SNX25: variants seen among roughly 807,000 people sequenced by gnomAD.
SNX25 encodes sorting nexin 25.
SNX25 carries 62 observed loss-of-function variants against 113.7 expected under a neutral mutation model. The ratio of observed to expected loss-of-function variants is 0.55; its 90% CI spans 0.44 to 0.67. SNX25 has a LOEUF of 0.67. Among genes scored for constraint, SNX25 ranks in the 30% least tolerant of loss-of-function variants. The pLI is 0.00. For synonymous variants in SNX25, 421 were observed against 436.2 expected, an observed-to-expected ratio of 0.97 and a Z score of 0.43; for missense variants, 1,014 against 1,161.0, an observed-to-expected ratio of 0.87 and a Z score of 1.84.
intron 6 of SNX25, among the ~76,000 whole-genome samples, chr4:185,309,425 G>A (rs1417705420): frequency 6.6e-6 from 1 of 152,220 alleles, no homozygotes; most frequent in Non-Finnish European, 1.5e-5. Context: ...AAGAGCATGT[G>A]AGATGGAAGA....
At chr4:185,309,705 A>G (rs921957413) in intron 6 of SNX25, among the ~76,000 whole-genome samples, 2 of 151,894 alleles carry the variant, frequency 1.3e-5, no homozygotes, top group African/African-American at 4.8e-5. Flanking sequence ...GGCCATCACT[A>G]TCTCCCTCCT....
intron 5 of SNX25, among the ~76,000 whole-genome samples, chr4:185,268,116 G>A (rs898563226): frequency 6.6e-6 from 1 of 152,178 alleles, no homozygotes; most frequent in African/African-American, 2.4e-5. Context: ...CTGTAATGAG[G>A]CTATAATAGA....
chr4:185,308,859 C>T (rs1206762802), intron 6 of SNX25, among the ~76,000 whole-genome samples: 2 of 152,162 alleles, frequency 1.3e-5, no homozygotes, highest in African/African-American at 4.8e-5. Flanking sequence ...CTGAATGTTT[C>T]CGAACTCTAG....
chr4:185,265,004 TTC>T (rs1491473179), intron 4 of SNX25, among the ~76,000 whole-genome samples: 72 of 127,292 alleles, frequency 5.7e-4, no homozygotes, highest in Admixed American at 7.4e-4. Context: ...TCTTTTTTTT[TTC>T]TTTAAATAGA....
At chr4:185,326,841 C>A (rs191809135) in intron 9 of SNX25, among the ~76,000 whole-genome samples, 100 of 152,218 alleles carry the variant, frequency 6.6e-4, no homozygotes, top group Non-Finnish European at 1.3e-3. Context: ...CCCTTTTTAA[C>A]CCTTTATAAT....
intron 2 of SNX25, among the ~76,000 whole-genome samples, chr4:185,257,475 G>C (rs1309778166): frequency 1.3e-5 from 2 of 151,894 alleles, no homozygotes; most frequent in African/African-American, 4.8e-5. Context: ...ATTACTGAAA[G>C]AATAAAATAT....
downstream of SNX25, among the ~76,000 whole-genome samples, chr4:185,371,420 T>C (rs1485214378): frequency 7.2e-5 from 11 of 151,782 alleles, no homozygotes; most frequent in South Asian, 1.9e-3. Flanking sequence ...CGGGTGCCTG[T>C]AGTCCCAGCT....
chr4:185,237,150 A>AG (rs72229810), intron 1 of SNX25, among the ~76,000 whole-genome samples: 97,317 of 151,804 alleles, frequency 0.64, 31,413 homozygotes, highest in East Asian at 0.75. Context: ...CTTGACTAAG[A>AG]GGGAAAAAAA....
At chr4:185,215,959 G>A (rs1579313784) in intron 1 of SNX25, among the ~76,000 whole-genome samples, 1 of 152,012 alleles carries the variant, frequency 6.6e-6, no homozygotes, top group East Asian at 1.9e-4. Context: ...ACTACACCCA[G>A]CTAATTTTTG....
At chr4:185,260,414 CT>C (rs56828239) in intron 3 of SNX25, among the ~76,000 whole-genome samples, 4,365 of 152,104 alleles carry the variant, frequency 0.029, 93 homozygotes, top group Middle Eastern at 0.068. Context: ...GTGCACAGGT[CT>C]TCCCAACCAT....
chr4:185,351,839 C>G (rs1325999730), intron 14 of SNX25, among the ~76,000 whole-genome samples: 2 of 151,894 alleles, frequency 1.3e-5, no homozygotes. Context: ...GGAAGTTCTG[C>G]AGGAGCCCCG....
intron 6 of SNX25, among the ~76,000 whole-genome samples, chr4:185,308,022 G>T (rs1221562493): frequency 6.6e-6 from 1 of 152,156 alleles, no homozygotes; most frequent in African/African-American, 2.4e-5. Flanking sequence ...GCCTCCCAAA[G>T]TGCTGGCATT....
chr4:185,357,928 A>G (rs999493744), intron 16 of SNX25, among the ~76,000 whole-genome samples, 191 bp downstream of exon 16: 2 of 152,230 alleles, frequency 1.3e-5, no homozygotes, highest in Non-Finnish European at 2.9e-5. Context: ...CAGAATGCAT[A>G]TGGCAAGTTA....
intron 15 of SNX25, 38 bp from the exon 16 acceptor site, chr4:185,357,633 C>T (rs1344353658): frequency 6.6e-7 from 1 of 1,509,022 alleles, no homozygotes; most frequent in Non-Finnish European, 9.2e-7. Flanking sequence ...AATTGTGATG[C>T]CCTGTGATAA....
At chr4:185,278,821 T>C (rs982055277) in intron 5 of SNX25, among the ~76,000 whole-genome samples, 2 of 152,164 alleles carry the variant, frequency 1.3e-5, no homozygotes, top group African/African-American at 4.8e-5. Context: ...TACGTATGAG[T>C]ATAAATAAAC....
At chr4:185,370,574 T>C, downstream of SNX25, 1 of 1,527,038 alleles carries the variant, frequency 6.5e-7, no homozygotes, top group Middle Eastern at 2.0e-4. Flanking sequence ...GTAAAACTAT[T>C]CAAGTTGCAG....
At chr4:185,290,950 C>T (rs749071897) in intron 6 of SNX25, among the ~76,000 whole-genome samples, 4 of 152,142 alleles carry the variant, frequency 2.6e-5, no homozygotes, top group Non-Finnish European at 5.9e-5. Flanking sequence ...CAGGAATTCT[C>T]ATGGGTTTAC....
intron 1 of SNX25, among the ~76,000 whole-genome samples, chr4:185,212,487 G>GTTTC (rs1215567957): frequency 5.9e-5 from 3 of 50,430 alleles, no homozygotes; most frequent in Admixed American, 4.3e-4. Flanking sequence ...GTGTGTGTGT[G>GTTTC]TGTGTTTTTT....
At chr4:185,335,410 G>A (rs2095223633) in intron 10 of SNX25, among the ~76,000 whole-genome samples, 1 of 151,318 alleles carries the variant, frequency 6.6e-6, no homozygotes, top group African/African-American at 2.4e-5. Flanking sequence ...TGACAATCTA[G>A]CAATTAACAT....
Sources: gnomAD v4.1 joint callset for allele counts (sites outside exome capture counted in the v4.1 genomes callset) on GRCh38, gnomAD v4.1.1 for gene constraint, MANE v1.5 for transcripts, NCBI Gene and HGNC (gene_info 2026-07-23, HGNC 2026-07-21) for gene names.